ZZEF1: variants seen among roughly 807,000 people sequenced by gnomAD.
The protein encoded by ZZEF1 is zinc finger ZZ-type and EF-hand domain-containing protein 1.
A neutral mutation model predicts 342.8 loss-of-function variants in ZZEF1; 157 were observed. The observed-to-expected ratio is 0.46, with a 90% CI of 0.40 to 0.52. The LOEUF is 0.52. Ranked by LOEUF, ZZEF1 falls within the 20% of genes least tolerant of loss-of-function variation. The pLI, the probability that ZZEF1 is intolerant of heterozygous loss-of-function variation, is 0.00. For synonymous variants in ZZEF1, 1,505 were observed against 1,429.1 expected (o/e 1.05, Z -1.20); for missense variants, 3,480 against 3,725.6 (o/e 0.93, Z 1.72).
chr17:4,074,428 G>T, intron 23 of ZZEF1, 77 bp from the exon 24 acceptor site: 1 of 1,416,318 alleles, frequency 7.1e-7, no homozygotes. Flanking sequence ...TCTTCATGAC[G>T]AGAAACATCT....
At position 4,014,725 on chromosome 17, in the gene ZZEF1, A is replaced by G. The variant is rs1433416790; in HGVS notation, c.8146-210T>C. Among the ~76,000 whole-genome samples, 1 of 152,170 alleles carries G rather than the reference A, an allele frequency of 6.6e-6. No individual in the cohort carries two copies. The highest frequency in any genetic ancestry group is 2.4e-5 in the African/African-American group (1 of 41,438). The stretch of plus-strand genomic sequence containing the variant: ...AGGGAGGCACAGCGGGGCAGGCAAC[A>G]CGGGGCCCCAGAGAAAGAGTGTCAG... On this transcript the variant is annotated intron_variant, in intron 49 of 54. Transcript: ENST00000381638. This position sits in a 1 kb window ranked among gnomAD's most constrained non-coding sequence, Gnocchi z 4.4.
intron 1 of ZZEF1, among the ~76,000 whole-genome samples, chr17:4,135,204 G>A (rs1419613388): frequency 1.3e-5 from 2 of 152,182 alleles, no homozygotes; most frequent in African/African-American, 2.4e-5. Flanking sequence ...TGCCAGATGC[G>A]TTGGCTTACG....
chr17:4,054,175 G>A lies in ZZEF1; in HGVS notation c.5316C>T (p.Arg1772=). 1 of 1,613,014 alleles carries A rather than the reference G, an allele frequency of 6.2e-7. No homozygotes were observed. The highest frequency in any genetic ancestry group is 1.3e-5 in the African/African-American group (1 of 75,018). ...KQRKMHMFIA[R]YCDLLNVDIS... ...TGTCCACATTTAACAGGTCACAGTA[G>A]CGAGCAATGAACATGTGCATCTGTA... Residue 1772 remains arginine, a synonymous_variant, in exon 34 of 55, where the codon CGC becomes CGT. Transcript: ENST00000381638.
At chr17:4,041,668 A>C (rs183806039) in intron 39 of ZZEF1, among the ~76,000 whole-genome samples, 1 of 152,342 alleles carries the variant, frequency 6.6e-6, no homozygotes, top group African/African-American at 2.4e-5. Context: ...CTCTTCTTTA[A>C]TATGATAAAA....
rs531834612 is a variant in ZZEF1 at position 4,140,885 on chromosome 17, G to C, written c.354+1657C>G. ...GTGTATTCCTGGGGGGAAAAAAAAAGGAGATCTTTCACTAACTAATATGAC... is the reference window on the plus strand; with the variant it reads ...GTGTATTCCTGGGGGGAAAAAAAAACGAGATCTTTCACTAACTAATATGAC... On this transcript the variant is annotated intron_variant, in intron 1 of 54. Transcript: ENST00000381638. Among the ~76,000 whole-genome samples, 17 of 150,276 alleles carry C rather than the reference G, an allele frequency of 1.1e-4. No homozygotes were observed. In the South Asian group the frequency reaches 3.6e-3, roughly 32 times the overall value.
intron 1 of ZZEF1, among the ~76,000 whole-genome samples, chr17:4,127,950 A>C (rs995297150): frequency 6.6e-6 from 1 of 152,226 alleles, no homozygotes; most frequent in African/African-American, 2.4e-5. Flanking sequence ...GACAAGCCAG[A>C]CACAAAGAGC....
chr17:4,074,347 A>C lies in ZZEF1; in HGVS notation c.3488T>G (p.Val1163Gly). The C allele has an allele frequency of 6.2e-7, 1 of 1,614,194 alleles. No individual in the cohort carries two copies. The highest frequency in any genetic ancestry group is 8.5e-7 in the Non-Finnish European group (1 of 1,180,030). The change falls in exon 24 of 55, where the codon GTG becomes GGG. Residue 1163 changes from valine to glycine, a missense_variant. Physicochemically the swap from Val to Gly is moderately radical, Grantham distance 109. Around this residue, in one of 5 missense-constraint regions of ZZEF1, gnomAD observed 1,528 missense variants for 1,624.1 expected, o/e 0.94. Transcript: ENST00000381638. ...KVGTDKWPKK[V>G]TFKAGPRLQF... ...CAACCGAGGACCGGCCTTGAAGGTCACTTTCTAGAGACAAACAGAAATCAT... is the reference window on the plus strand; with the variant it reads ...CAACCGAGGACCGGCCTTGAAGGTCCCTTTCTAGAGACAAACAGAAATCAT...
At chr17:4,116,301 A>C (rs1271285751) in intron 3 of ZZEF1, among the ~76,000 whole-genome samples, 1 of 152,212 alleles carries the variant, frequency 6.6e-6, no homozygotes, top group African/African-American at 2.4e-5. Flanking sequence ...AACAAGAACG[A>C]AACTCAGTCT....
intron 5 of ZZEF1, among the ~76,000 whole-genome samples, chr17:4,111,455 C>T (rs2058297068): frequency 6.6e-6 from 1 of 151,852 alleles, no homozygotes; most frequent in African/African-American, 2.4e-5. Flanking sequence ...GTCAGTAGTT[C>T]GAGACCAGTC....
chr17:4,091,942 G>A (rs1471406061), intron 11 of ZZEF1, among the ~76,000 whole-genome samples: 4 of 151,760 alleles, frequency 2.6e-5, no homozygotes, highest in Non-Finnish European at 5.9e-5. Context: ...CAGGCGTGGT[G>A]GTGCATGCCT....
In ZZEF1 at chr17:4,137,393, A is replaced by G. The variant is rs531566141; in HGVS notation, c.354+5149T>C. On this transcript the variant is annotated intron_variant, in intron 1 of 54. Transcript: ENST00000381638. Reference sequence around the variant, plus strand: ...TGGGAGGCCGAGGTGGGCGGATCACAAGGTCAGGAGATCGAGACCATCCTG... The same window carrying G: ...TGGGAGGCCGAGGTGGGCGGATCACGAGGTCAGGAGATCGAGACCATCCTG... Among the ~76,000 whole-genome samples, 602 of 152,206 alleles carry G rather than the reference A, an allele frequency of 4.0e-3. 4 individuals carry two copies. Among genetic ancestry groups the G allele is most frequent in the African/African-American group, 0.011 (447 of 41,526 alleles).
At chr17:4,074,039 G>T in intron 24 of ZZEF1, 111 bp downstream of exon 24, 1 of 1,163,702 alleles carries the variant, frequency 8.6e-7, no homozygotes, top group Non-Finnish European at 1.2e-6. Flanking sequence ...AACTGAAAAG[G>T]CGTATTATTA....
At chr17:4,052,254 A>G in intron 34 of ZZEF1, 118 bp from the exon 35 acceptor site, 1 of 974,392 alleles carries the variant, frequency 1.0e-6, no homozygotes, top group South Asian at 1.8e-5. Flanking sequence ...TCAGGGATAC[A>G]GGGCCCACAG....
chr17:4,019,844 A>G, intron 45 of ZZEF1, 75 bp from the exon 46 acceptor site: 2 of 1,110,744 alleles, frequency 1.8e-6, no homozygotes, highest in Non-Finnish European at 2.6e-6. Context: ...TGAACTCAAA[A>G]CTGAGAAGAC....
chr17:4,072,529 C>T, intron 25 of ZZEF1, 79 bp downstream of exon 25: 3 of 1,461,922 alleles, frequency 2.1e-6, no homozygotes, highest in Non-Finnish European at 2.7e-6. Context: ...GATAGAAACA[C>T]AAGTGTTTAT....
chr17:4,030,015 C>T (rs2056505622), intron 42 of ZZEF1, among the ~76,000 whole-genome samples: 1 of 143,540 alleles, frequency 7.0e-6, no homozygotes, highest in South Asian at 2.2e-4. Context: ...GGGCAACATG[C>T]TGAGATCCTA....
chr17:4,142,010 GTTCT>G (rs1289293637), intron 1 of ZZEF1, among the ~76,000 whole-genome samples: 3 of 152,178 alleles, frequency 2.0e-5, no homozygotes, highest in African/African-American at 7.2e-5. Context: ...CTAATATATG[GTTCT>G]TTAAGGATCT....
Position 4,017,997 on chromosome 17 carries a change from G to C in ZZEF1, c.7506-26C>G. 6.2e-7 allele frequency: 1 copy of C among 1,611,230 alleles called. No individual in the cohort carries two copies. The highest frequency in any genetic ancestry group is 2.2e-5 in the East Asian group (1 of 44,882). ...CTGCAGAAGGGCAGCACAAAGTTGA[G>C]TACCAACAGTGTAGACAGGCCAGTT... On this transcript the variant is annotated intron_variant, in intron 46 of 54. Coordinates refer to ENST00000381638, the MANE Select transcript of ZZEF1 (RefSeq NM_015113.4). The surrounding 1 kb of genome is among the most constrained non-coding windows in gnomAD (Gnocchi z 5.1).
At chr17:4,100,154 C>T (rs1371574784) in intron 9 of ZZEF1, among the ~76,000 whole-genome samples, 5 of 152,150 alleles carry the variant, frequency 3.3e-5, no homozygotes, top group African/African-American at 7.2e-5. Context: ...AGACGTGTAC[C>T]CATGAGAAGA....
Sources: gnomAD v4.1 joint callset for allele counts (sites outside exome capture counted in the v4.1 genomes callset) on GRCh38, gnomAD v4.1.1 for gene constraint, gnomAD v4.1.1 regional missense constraint, Gnocchi (gnomAD v3.1) non-coding constraint, MANE v1.5 for transcripts, NCBI Gene and HGNC (gene_info 2026-07-23, HGNC 2026-07-21) for gene names.